GUCY1A2: variants seen among roughly 807,000 people sequenced by gnomAD.
GUCY1A2 encodes guanylate cyclase soluble subunit alpha-2.
GUCY1A2 carries 27 observed loss-of-function variants against 63.5 expected under a neutral mutation model. The ratio of observed to expected loss-of-function variants is 0.43; its 90% confidence interval spans 0.31 to 0.59. The LOEUF (loss-of-function observed/expected upper bound fraction) is 0.59, where lower values mean the gene tolerates loss of function less well. Ranked by LOEUF, GUCY1A2 falls within the 20% of genes least tolerant of loss-of-function variation. The probability of loss-of-function intolerance (pLI) is 0.11; values close to 1 mark genes in which losing one functional copy is unlikely to be tolerated. For synonymous variants in GUCY1A2, 364 were observed against 343.5 expected (o/e 1.06, Z -0.66); for missense variants, 768 against 913.3 (o/e 0.84, Z 2.05).
chr11:106,871,113 C>A (rs1056992762), intron 4 of GUCY1A2, among the ~76,000 whole-genome samples: 2 of 152,130 alleles, frequency 1.3e-5, no homozygotes, highest in African/African-American at 4.8e-5. Flanking sequence ...AAGTGAGCAT[C>A]TGACTACCTG....
In GUCY1A2 at chr11:106,677,915, T is replaced by TC. The variant is rs1862372501; in HGVS notation, c.*9633_*9634insG. The TC allele has an allele frequency of 5.0e-6, 1 of 200,394 alleles. No homozygotes were observed. Among genetic ancestry groups the TC allele is most frequent in the East Asian group, 7.6e-5 (1 of 13,162 alleles). The allele number at this position is 200,394 out of a possible 1,614,324, so 12.4% of individuals were successfully genotyped here. ...ATCATTTGGATTTTAGCAGGAGAAT[T>TC]TTTTTTAGACAGAATAAAATTGTTT... On this transcript the variant is annotated 3_prime_UTR_variant, in exon 8 of 8. Transcript: ENST00000526355.
intron 3 of GUCY1A2, among the ~76,000 whole-genome samples, chr11:106,944,763 T>C (rs893761838): frequency 2.6e-5 from 4 of 152,150 alleles, no homozygotes; most frequent in Admixed American, 1.3e-4. Context: ...CTGAAACGAA[T>C]TTTTTCACCT....
chr11:106,989,663 A>G (rs1299270942), intron 1 of GUCY1A2, among the ~76,000 whole-genome samples: 1 of 152,208 alleles, frequency 6.6e-6, no homozygotes, highest in Non-Finnish European at 1.5e-5. Context: ...AAAAAAATCA[A>G]TAAAGCTACC....
chr11:106,880,969 A>T (rs1178847118), intron 4 of GUCY1A2, among the ~76,000 whole-genome samples: 1 of 152,128 alleles, frequency 6.6e-6, no homozygotes, highest in African/African-American at 2.4e-5. Context: ...CTCTTCCATT[A>T]ACTAACTGCA....
At chr11:107,016,007 A>G (rs1446768853) in intron 1 of GUCY1A2, among the ~76,000 whole-genome samples, 4 of 152,238 alleles carry the variant, frequency 2.6e-5, no homozygotes, top group Admixed American at 2.6e-4. Flanking sequence ...AAATAATGTA[A>G]TAAGTGATTT....
intron 4 of GUCY1A2, among the ~76,000 whole-genome samples, chr11:106,910,173 T>C (rs966659609): frequency 3.9e-5 from 6 of 152,020 alleles, no homozygotes; most frequent in Non-Finnish European, 7.4e-5. Context: ...GACAAAAATC[T>C]GTAGGGCCAT....
chr11:106,854,846 C>T (rs1859406063), intron 4 of GUCY1A2, among the ~76,000 whole-genome samples: 1 of 152,208 alleles, frequency 6.6e-6, no homozygotes, highest in South Asian at 2.1e-4. Context: ...GAACAGGCAG[C>T]TCTAAGGCTC....
rs1862506490 is a variant in GUCY1A2, at chr11:106,685,324, C to T, written c.*2225G>A. On this transcript the variant is annotated 3_prime_UTR_variant, in exon 8 of 8. Transcript: ENST00000526355. ...ACAATACTTCTCTCCAGGCCTATCA[C>T]TAGTATTGAGGTGGATTTCCAATGA... The T allele has an allele frequency of 4.8e-6, 1 of 209,168 alleles. No individual in the cohort carries two copies. Among genetic ancestry groups the T allele is most frequent in the South Asian group, 1.9e-4 (1 of 5,336 alleles). 13.0% of individuals were successfully genotyped at this position (209,168 alleles called of 1,614,324 possible). A position where few individuals can be genotyped will look rare whatever the true frequency, so the allele number is the denominator to read the frequency against.
chr11:106,765,235 G>T (rs1252007445), intron 6 of GUCY1A2, among the ~76,000 whole-genome samples: 5 of 151,858 alleles, frequency 3.3e-5, no homozygotes, highest in Non-Finnish European at 7.4e-5. Context: ...ACTTCCCTAA[G>T]AACATATGAA....
At chr11:106,733,540 T>G (rs928502430) in intron 6 of GUCY1A2, among the ~76,000 whole-genome samples, 1 of 152,170 alleles carries the variant, frequency 6.6e-6, no homozygotes, top group African/African-American at 2.4e-5. Context: ...ATAAAGTAAT[T>G]ACTTTTTATT....
intron 4 of GUCY1A2, among the ~76,000 whole-genome samples, 194 bp downstream of exon 4, chr11:106,939,266 A>G (rs1167626018): frequency 6.6e-6 from 1 of 152,198 alleles, no homozygotes; most frequent in Non-Finnish European, 1.5e-5. Flanking sequence ...AAATTAATGG[A>G]GGAGGCAGAC....
intron 6 of GUCY1A2, among the ~76,000 whole-genome samples, chr11:106,770,402 C>T (rs945687757): frequency 3.3e-5 from 5 of 152,074 alleles, no homozygotes; most frequent in South Asian, 4.1e-4. Context: ...TTGGCTGAAT[C>T]GGAGGATGCA....
At chr11:106,864,951 CCTT>C (rs1208419078) in intron 4 of GUCY1A2, among the ~76,000 whole-genome samples, 1 of 152,006 alleles carries the variant, frequency 6.6e-6, no homozygotes, top group Non-Finnish European at 1.5e-5. Flanking sequence ...AGGAAGGAGT[CCTT>C]CTTTTTCTAC....
At position 106,945,423 on chromosome 11, in the gene GUCY1A2, G is replaced by A. The variant is rs534518514; in HGVS notation, c.488-5245C>T. ...AACAAAACAAAAAAACACATTAATC[G>A]ATCAAGAAATCACTCAGAATGAAGA... On this transcript the variant is annotated intron_variant, in intron 3 of 7. Coordinates refer to ENST00000526355, the MANE Select transcript of GUCY1A2 (RefSeq NM_000855.3). Among the ~76,000 whole-genome samples the A allele has an allele frequency of 9.2e-5, 14 of 151,406 alleles. No individual in the cohort carries two copies. In the East Asian group the frequency reaches 1.7e-3, roughly 19 times the overall value.
At chr11:106,748,452 A>G (rs965831453) in intron 6 of GUCY1A2, among the ~76,000 whole-genome samples, 1 of 152,188 alleles carries the variant, frequency 6.6e-6, no homozygotes, top group Middle Eastern at 3.2e-3. Flanking sequence ...GGATAGCAGG[A>G]ATCACAGCAG....
intron 6 of GUCY1A2, among the ~76,000 whole-genome samples, chr11:106,738,872 C>T (rs768012839): frequency 2.6e-5 from 4 of 151,958 alleles, no homozygotes; most frequent in South Asian, 2.1e-4. Context: ...CTTGGCTATA[C>T]GGGTTCTTTT....
At chr11:106,785,773 T>C (rs2135408810) in intron 5 of GUCY1A2, among the ~76,000 whole-genome samples, 1 of 152,268 alleles carries the variant, frequency 6.6e-6, no homozygotes, top group African/African-American at 2.4e-5. Context: ...GGGCCAGCTA[T>C]CTGCATTCAC....
At chr11:106,955,036 T>C (rs933737415) in intron 3 of GUCY1A2, among the ~76,000 whole-genome samples, 2 of 151,956 alleles carry the variant, frequency 1.3e-5, no homozygotes, top group East Asian at 1.9e-4. Flanking sequence ...TGGAGTGCAA[T>C]GGCATGATCT....
In GUCY1A2 at chr11:106,873,336, A is replaced by C. The variant is rs1410536204; in HGVS notation, c.1207-62858T>G. Among the ~76,000 whole-genome samples, 6 of 152,304 alleles carry C rather than the reference A, an allele frequency of 3.9e-5. No homozygotes were observed. The East Asian group carries it at 1.2e-3, about 29-fold the overall frequency. On this transcript the variant is annotated intron_variant, in intron 4 of 7. Coordinates refer to ENST00000526355, the MANE Select transcript of GUCY1A2 (RefSeq NM_000855.3). ...TACTTCTGGTTCTAGATCCTTGAGG[A>C]ATCACCATACTGTCTTCCACAATGA...
Sources: allele counts gnomAD v4.1 joint callset (sites outside exome capture counted in the v4.1 genomes callset), GRCh38; gene constraint gnomAD v4.1.1; transcripts MANE v1.5; gene names NCBI Gene and HGNC (gene_info 2026-07-23, HGNC 2026-07-21).